Variants in PDE4D observed in about 807,000 individuals in gnomAD.
The protein encoded by PDE4D is 3',5'-cyclic-AMP phosphodiesterase 4D.
PDE4D carries 24 observed loss-of-function variants against 87.4 expected under a neutral mutation model. The observed-to-expected ratio is 0.27, with a 90% CI of 0.20 to 0.39. The LOEUF is 0.39. PDE4D is among the 10% of genes least tolerant of loss of function. The pLI is 1.00. For missense variants in PDE4D, 714 were observed against 1,041.0 expected (o/e 0.69, Z 4.32); for synonymous variants, 384 against 383.2 (o/e 1.00, Z -0.02).
At chr5:59,246,758 T>C (rs1758921493) in intron 1 of PDE4D, among the ~76,000 whole-genome samples, 1 of 152,186 alleles carries the variant, frequency 6.6e-6, no homozygotes, top group East Asian at 1.9e-4. Context: ...AAAGTAAATA[T>C]GCAATCCAAC....
At chr5:60,480,500 G>C (rs1334845816) in intron 1 of PDE4D, among the ~76,000 whole-genome samples, 1 of 152,116 alleles carries the variant, frequency 6.6e-6, no homozygotes, top group East Asian at 1.9e-4. Flanking sequence ...AGATTAATTA[G>C]TTTGTCCAGA....
intron 1 of PDE4D, among the ~76,000 whole-genome samples, chr5:59,539,046 C>T (rs886906523): frequency 4.0e-4 from 61 of 152,134 alleles, no homozygotes; most frequent in African/African-American, 1.4e-3. Context: ...TGCATAACAT[C>T]CTATATTCTG....
intron 1 of PDE4D, among the ~76,000 whole-genome samples, chr5:60,357,897 A>C (rs989175065): frequency 2.0e-5 from 3 of 152,152 alleles, no homozygotes; most frequent in African/African-American, 7.2e-5. Flanking sequence ...TCACATCTCC[A>C]CTTACCACAT....
At chr5:60,060,371 C>T (rs1392933363) in intron 2 of PDE4D, among the ~76,000 whole-genome samples, 2 of 152,000 alleles carry the variant, frequency 1.3e-5, no homozygotes, top group Non-Finnish European at 2.9e-5. Context: ...ACACCTTTTT[C>T]TATCTGTTCC....
intron 1 of PDE4D, among the ~76,000 whole-genome samples, chr5:60,288,852 G>C (rs1408361687): frequency 5.9e-5 from 9 of 152,174 alleles, no homozygotes; most frequent in Admixed American, 5.9e-4. Context: ...AATGGGATAT[G>C]AGTATTTCAC....
rs1266408182 is a variant in PDE4D, at chr5:59,574,005, A to AAAAAATAT, written c.455+319162_455+319163insATATTTTT. ...AAAGGGAGACTCTGTCTCAAAAAAA[A>AAAAAATAT]ATATATATATATATATATATATAAA... On this transcript the variant is annotated intron_variant, in intron 1 of 14. Coordinates refer to ENST00000340635, the MANE Select transcript of PDE4D (RefSeq NM_001104631.2). Among the ~76,000 whole-genome samples, 9 of 119,684 alleles carry AAAAAATAT rather than the reference A, an allele frequency of 7.5e-5. 1 individual carries two copies. Among genetic ancestry groups the AAAAAATAT allele is most frequent in the African/African-American group, 3.2e-4 (9 of 28,514 alleles). 78.5% of individuals were successfully genotyped at this position (119,684 alleles called of 152,430 possible).
chr5:59,323,018 T>C (rs1267336724), intron 1 of PDE4D, among the ~76,000 whole-genome samples: 2 of 152,128 alleles, frequency 1.3e-5, no homozygotes, highest in Admixed American at 6.5e-5. Context: ...AAATGTGAAT[T>C]TTGTTTTTCT....
At chr5:59,448,808 T>A (rs911650581) in intron 1 of PDE4D, among the ~76,000 whole-genome samples, 16 of 152,254 alleles carry the variant, frequency 1.1e-4, no homozygotes, top group Middle Eastern at 3.4e-3. Flanking sequence ...AATATTTTTT[T>A]AAATTTTGTA....
intron 1 of PDE4D, chr5:60,448,547 G>A (rs187549418): frequency 9.9e-5 from 15 of 152,200 alleles, no homozygotes; most frequent in Admixed American, 1.3e-4. Context: ...AGACAAAGAC[G>A]TACACTTTCA....
At chr5:59,816,444 T>A (rs1046751484) in intron 1 of PDE4D, among the ~76,000 whole-genome samples, 2 of 152,160 alleles carry the variant, frequency 1.3e-5, no homozygotes, top group Non-Finnish European at 2.9e-5. Context: ...GGAAAAAAAA[T>A]GAATGAGAGA....
chr5:59,566,665 A>G (rs571362866), intron 1 of PDE4D, among the ~76,000 whole-genome samples: 20 of 151,890 alleles, frequency 1.3e-4, no homozygotes, highest in Non-Finnish European at 2.9e-4. Flanking sequence ...AGGGGCAAGA[A>G]CCATGTCTGA....
intron 1 of PDE4D, among the ~76,000 whole-genome samples, chr5:59,403,145 A>AGGTAGGTAGG (rs373517250): frequency 0.084 from 10,968 of 129,838 alleles, 1,201 homozygotes; most frequent in African/African-American, 0.27. Context: ...AGGTAGGTAG[A>AGGTAGGTAGG]CAGACAGACA....
chr5:59,988,569 T>A, exon 3 of PDE4D: 1 of 1,599,460 alleles, frequency 6.3e-7, no homozygotes, highest in Non-Finnish European at 8.5e-7. Context: ...GTTCTCTGAT[T>A]CACTTTTCAA....
intron 5 of PDE4D, among the ~76,000 whole-genome samples, chr5:59,128,465 C>G (rs1265518403): frequency 1.3e-5 from 2 of 152,168 alleles, no homozygotes; most frequent in African/African-American, 4.8e-5. Context: ...ACCCAGTATG[C>G]ATTCCTACCT....
chr5:59,076,696 G>A (rs547723368), intron 5 of PDE4D, among the ~76,000 whole-genome samples: 1 of 152,162 alleles, frequency 6.6e-6, no homozygotes, highest in African/African-American at 2.4e-5. Flanking sequence ...CTCAATCAAT[G>A]CCTTGCCTTA....
At chr5:59,804,894 C>A (rs774632003) in intron 1 of PDE4D, among the ~76,000 whole-genome samples, 10 of 152,126 alleles carry the variant, frequency 6.6e-5, no homozygotes, top group African/African-American at 1.9e-4. Flanking sequence ...CAGGTTCAAG[C>A]GATTCTCCCA....
chr5:60,013,905 A>C (rs922432000), intron 2 of PDE4D, among the ~76,000 whole-genome samples: 1 of 152,020 alleles, frequency 6.6e-6, no homozygotes. Context: ...CATCCTGGCC[A>C]ACATGGTGAA....
In PDE4D at chr5:59,628,338, C is replaced by T. The variant is rs75210165; in HGVS notation, c.455+264830G>A. Among the ~76,000 whole-genome samples the T allele has an allele frequency of 1.2e-4, 18 of 152,282 alleles. No individual in the cohort carries two copies. The East Asian group carries it at 3.3e-3, about 28-fold the overall frequency. ...TGAACTGAATTATCACTATTATATC[C>T]TCATCTATGCTTCTATGTCTAGAAA... On this transcript the variant is annotated intron_variant, in intron 1 of 14. Coordinates refer to ENST00000340635, the MANE Select transcript of PDE4D (RefSeq NM_001104631.2).
chr5:60,101,155 G>A (rs1776175052), intron 2 of PDE4D, among the ~76,000 whole-genome samples: 1 of 151,970 alleles, frequency 6.6e-6, no homozygotes, highest in African/African-American at 2.4e-5. Flanking sequence ...TTCCTTGGTT[G>A]GAGGCTTTAG....
Sources: allele counts gnomAD v4.1 joint callset (sites outside exome capture counted in the v4.1 genomes callset), GRCh38; gene constraint gnomAD v4.1.1; transcripts MANE v1.5; gene names NCBI Gene and HGNC (gene_info 2026-07-23, HGNC 2026-07-21).